Variants in RAP1A observed in about 807,000 individuals in gnomAD.
The protein encoded by RAP1A is ras-related protein Rap-1A.
Under a neutral mutation model 26.4 loss-of-function variants are expected in RAP1A, and 6 were observed. The observed-to-expected ratio is 0.23, with a 90% CI of 0.12 to 0.45. The LOEUF (loss-of-function observed/expected upper bound fraction) is 0.45. Among genes scored for constraint, RAP1A ranks in the 20% least tolerant of loss-of-function variants. The probability of loss-of-function intolerance (pLI) is 0.99; values close to 1 mark genes in which losing one functional copy is unlikely to be tolerated. For synonymous variants in RAP1A, 73 were observed against 79.4 expected, an observed-to-expected ratio of 0.92 and a Z score of 0.43; for missense variants, 121 against 217.2, an observed-to-expected ratio of 0.56 and a Z score of 2.78.
chr1:111,601,667 G>T (rs1054562278), intron 1 of RAP1A, among the ~76,000 whole-genome samples: 5 of 152,182 alleles, frequency 3.3e-5, no homozygotes, highest in African/African-American at 1.2e-4. Context: ...GTATAGTTGA[G>T]AGGTGCCCAG....
At chr1:111,640,161 ACTT>A (rs888124425) in intron 1 of RAP1A, among the ~76,000 whole-genome samples, 2 of 152,186 alleles carry the variant, frequency 1.3e-5, no homozygotes, top group Non-Finnish European at 2.9e-5. Context: ...ACCTTTGCCT[ACTT>A]CTTTGTTTTT....
chr1:111,664,217 CA>C, intron 1 of RAP1A, among the ~76,000 whole-genome samples: 2 of 151,782 alleles, frequency 1.3e-5, no homozygotes, highest in South Asian at 4.2e-4. Flanking sequence ...ACTACAAATA[CA>C]AAAAAATTAT....
intron 1 of RAP1A, among the ~76,000 whole-genome samples, chr1:111,658,463 A>C (rs907792620): frequency 6.6e-6 from 1 of 152,092 alleles, no homozygotes; most frequent in Non-Finnish European, 1.5e-5. Flanking sequence ...ACACAAACAC[A>C]TTGTTGTCTG....
intron 1 of RAP1A, among the ~76,000 whole-genome samples, chr1:111,660,899 C>T (rs960175592): frequency 4.6e-5 from 7 of 152,210 alleles, no homozygotes; most frequent in African/African-American, 1.7e-4. Flanking sequence ...AGATGTCTGC[C>T]CAACTCTGTC....
intron 1 of RAP1A, among the ~76,000 whole-genome samples, chr1:111,555,147 G>A (rs932782199): frequency 6.6e-6 from 1 of 151,836 alleles, no homozygotes; most frequent in African/African-American, 2.4e-5. Flanking sequence ...AAGAGGATCA[G>A]TTGAGGCCAG....
chr1:111,620,239 T>G (rs958468064), intron 1 of RAP1A, among the ~76,000 whole-genome samples: 1 of 152,170 alleles, frequency 6.6e-6, no homozygotes, highest in Non-Finnish European at 1.5e-5. Context: ...AAGAGGACAT[T>G]GTGTCCCCCA....
At chr1:111,667,377 A>C (rs1660826672) in intron 1 of RAP1A, among the ~76,000 whole-genome samples, 1 of 152,168 alleles carries the variant, frequency 6.6e-6, no homozygotes, top group Admixed American at 6.5e-5. Context: ...ATTATAAAGA[A>C]ATGTTTTCAT....
intron 1 of RAP1A, 61 bp from the exon 2 acceptor site, chr1:111,691,273 G>T: frequency 8.1e-7 from 1 of 1,229,642 alleles, no homozygotes; most frequent in African/African-American, 1.5e-5. Context: ...TGATGCAGTA[G>T]TGTACATTAT....
intron 1 of RAP1A, among the ~76,000 whole-genome samples, chr1:111,555,512 T>C (rs966819181): frequency 1.3e-5 from 2 of 151,656 alleles, no homozygotes; most frequent in African/African-American, 4.8e-5. Context: ...AATTAGTAAA[T>C]TGAAGAATAG....
At chr1:111,649,423 G>A (rs961747535) in intron 1 of RAP1A, 19 of 354,960 alleles carry the variant, frequency 5.4e-5, no homozygotes, top group African/African-American at 3.6e-4. Flanking sequence ...AGTGGGACAC[G>A]GAGATCTGGG....
chr1:111,699,641 T>A (rs182837876), intron 4 of RAP1A, among the ~76,000 whole-genome samples: 433 of 151,528 alleles, frequency 2.9e-3, no homozygotes, highest in African/African-American at 9.8e-3. Flanking sequence ...TTTTTTTTTT[T>A]TAATTTTTTG....
At chr1:111,677,447 C>T (rs1395771108) in intron 1 of RAP1A, among the ~76,000 whole-genome samples, 1 of 152,150 alleles carries the variant, frequency 6.6e-6, no homozygotes, top group Non-Finnish European at 1.5e-5. Context: ...CAACAATAAT[C>T]ATTTTTTTTC....
intron 1 of RAP1A, among the ~76,000 whole-genome samples, chr1:111,547,204 A>G (rs904856506): frequency 6.6e-6 from 1 of 152,124 alleles, no homozygotes; most frequent in Admixed American, 6.5e-5. Flanking sequence ...ACCTTTCACC[A>G]TTAAGTATAA....
At chr1:111,591,259 T>G (rs139647312) in intron 1 of RAP1A, among the ~76,000 whole-genome samples, 1 of 152,272 alleles carries the variant, frequency 6.6e-6, no homozygotes, top group African/African-American at 2.4e-5. Context: ...TCAGTTTTAT[T>G]AGTCTTTTCA....
intron 1 of RAP1A, among the ~76,000 whole-genome samples, chr1:111,566,011 A>G (rs920976994): frequency 6.6e-6 from 1 of 152,066 alleles, no homozygotes; most frequent in African/African-American, 2.4e-5. Flanking sequence ...CAAATAACTC[A>G]GAATGATGAG....
At chr1:111,599,784 A>C (rs1350070197) in intron 1 of RAP1A, 1 of 152,138 alleles carries the variant, frequency 6.6e-6, no homozygotes, top group Non-Finnish European at 1.5e-5. Context: ...GTCCCCCCCA[A>C]GTCTCATGTT....
chr1:111,654,261 C>T (rs1660382084), intron 1 of RAP1A, among the ~76,000 whole-genome samples: 1 of 152,138 alleles, frequency 6.6e-6, no homozygotes, highest in Non-Finnish European at 1.5e-5. Context: ...TTAAATCATA[C>T]AAAGTGTCTA....
intron 1 of RAP1A, among the ~76,000 whole-genome samples, chr1:111,654,314 T>G (rs148786297): frequency 1.1e-4 from 16 of 152,324 alleles, no homozygotes; most frequent in African/African-American, 3.6e-4. Flanking sequence ...CTCTTAATAC[T>G]TTCTTGTTCT....
intron 1 of RAP1A, among the ~76,000 whole-genome samples, chr1:111,681,955 C>T (rs964759700): frequency 2.0e-5 from 3 of 152,156 alleles, no homozygotes; most frequent in East Asian, 1.9e-4. Flanking sequence ...AGAAAGATCA[C>T]GTTACCCACA....
Sources: allele counts gnomAD v4.1 joint callset (sites outside exome capture counted in the v4.1 genomes callset), GRCh38; gene constraint gnomAD v4.1.1; transcripts MANE v1.5; gene names NCBI Gene and HGNC (gene_info 2026-07-23, HGNC 2026-07-21).